Variants in PARVB observed in about 807,000 individuals in gnomAD.
PARVB encodes parvin beta, also known as beta-parvin.
PARVB carries 46 observed loss-of-function variants against 47.0 expected under a neutral mutation model. The ratio of observed to expected loss-of-function variants is 0.98; its 90% CI spans 0.77 to 1.25. PARVB has a LOEUF of 1.25. Ranked by LOEUF, PARVB falls within the 50% of genes most tolerant of loss-of-function variation. PARVB has a pLI of 0.00. For synonymous variants in PARVB, 196 were observed against 196.3 expected, an observed-to-expected ratio of 1.00 and a Z score of 0.01; for missense variants, 473 against 471.6, an observed-to-expected ratio of 1.00 and a Z score of -0.03.
At position 44,058,846 on chromosome 22, in the gene PARVB, C is replaced by T. The variant is rs151089583; in HGVS notation, c.112+34395C>T. The stretch of plus-strand genomic sequence containing the variant: ...CTGGGATTACAGGCATGAGCCTCTG[C>T]GCCCATCGGACGTGGATTTTGGATG... On this transcript the variant is annotated intron_variant, in intron 1 of 12. Transcript: ENST00000338758. 3.8e-3 allele frequency among the ~76,000 whole-genome samples: 571 copies of T among 151,432 alleles called. 2 individuals are homozygous for T. The highest frequency in any genetic ancestry group is 0.014 in the Middle Eastern group (4 of 288).
At chr22:44,032,994 TA>T (rs923418880) in intron 1 of PARVB, among the ~76,000 whole-genome samples, 2 of 152,226 alleles carry the variant, frequency 1.3e-5, no homozygotes, top group African/African-American at 4.8e-5. Context: ...TGGCTGTTGG[TA>T]ACAAAAGTTG....
intron 1 of PARVB, among the ~76,000 whole-genome samples, chr22:44,067,537 C>T (rs2051562605): frequency 6.6e-6 from 1 of 152,210 alleles, no homozygotes; most frequent in African/African-American, 2.4e-5. Flanking sequence ...TGGCACTGGA[C>T]ACTGGGCAGA....
In PARVB at chr22:44,147,743, A is replaced by G. The variant is rs370622686; in HGVS notation, c.713-118A>G. 89 of 815,088 alleles carry G rather than the reference A, an allele frequency of 1.1e-4. 1 individual carries two copies. The African/African-American group carries it at 1.4e-3, about 13-fold the overall frequency. The allele number at this position is 815,088 out of a possible 1,614,324, so 50.5% of individuals were successfully genotyped here. A position where few individuals can be genotyped will look rare whatever the true frequency, so the allele number is the denominator to read the frequency against. On this transcript the variant is annotated intron_variant, in intron 8 of 12. Transcript: ENST00000338758. Reference sequence around the variant, plus strand: ...GGTAGGAATTGGAAGGATTCTAGGCAGGTGTGGGAGTTGAGGCTGAACCTC... The same window carrying G: ...GGTAGGAATTGGAAGGATTCTAGGCGGGTGTGGGAGTTGAGGCTGAACCTC...
chr22:44,147,306 T>G (rs1601681257), intron 8 of PARVB: 3 of 221,910 alleles, frequency 1.4e-5, no homozygotes, highest in Non-Finnish European at 2.8e-5. Context: ...GTGGTGGGAG[T>G]GGAGGGGGGA....
chr22:44,077,797 T>C (rs886340985), intron 1 of PARVB, among the ~76,000 whole-genome samples: 1 of 152,090 alleles, frequency 6.6e-6, no homozygotes, highest in South Asian at 2.1e-4. Flanking sequence ...GCAATGGTTC[T>C]AGCGATTCTC....
intron 1 of PARVB, among the ~76,000 whole-genome samples, chr22:44,064,001 C>T (rs1333093847): frequency 6.6e-6 from 1 of 152,226 alleles, no homozygotes; most frequent in Non-Finnish European, 1.5e-5. Flanking sequence ...GGATCGCTTT[C>T]CTCCTCGGTT....
intron 2 of PARVB, among the ~76,000 whole-genome samples, chr22:44,097,130 C>T (rs757029322): frequency 2.6e-5 from 4 of 151,996 alleles, no homozygotes; most frequent in Non-Finnish European, 5.9e-5. Flanking sequence ...GATGGCATGG[C>T]GGCTGGTGTC....
intron 1 of PARVB, among the ~76,000 whole-genome samples, chr22:44,075,817 G>A (rs930733819): frequency 6.6e-6 from 1 of 152,202 alleles, no homozygotes; most frequent in Non-Finnish European, 1.5e-5. Context: ...TTGTCTGGAC[G>A]GATCCATTTG....
chr22:44,145,756 G>A (rs2053650400), intron 8 of PARVB: 1 of 152,212 alleles, frequency 6.6e-6, no homozygotes, highest in Admixed American at 6.5e-5. Context: ...CGGCCCCGAT[G>A]TCTCCTTGAG....
At chr22:44,151,918 C>A (rs1014706706) in intron 10 of PARVB, 3 of 251,724 alleles carry the variant, frequency 1.2e-5, no homozygotes, top group South Asian at 1.1e-4. Context: ...CTTTAGCATT[C>A]CTTGGCTTGT....
At chr22:44,158,151 A>G (rs1023151202) in intron 11 of PARVB, 68 bp downstream of exon 11, 5 of 1,061,318 alleles carry the variant, frequency 4.7e-6, no homozygotes, top group African/African-American at 3.1e-5. Flanking sequence ...AGCATAGACT[A>G]TCCCGGCAGC....
chr22:44,136,148 G>A (rs2053435657), intron 6 of PARVB, among the ~76,000 whole-genome samples: 1 of 152,174 alleles, frequency 6.6e-6, no homozygotes, highest in Non-Finnish European at 1.5e-5. Flanking sequence ...AAAGCATAGA[G>A]GATCCCTTTG....
chr22:44,008,992 A>G (rs1270365508), intron 2 of PARVB, among the ~76,000 whole-genome samples: 1 of 152,208 alleles, frequency 6.6e-6, no homozygotes, highest in Non-Finnish European at 1.5e-5. Flanking sequence ...CCATCTTAAA[A>G]ATAAATAAGT....
chr22:44,131,088 T>C (rs1386877556), intron 4 of PARVB, among the ~76,000 whole-genome samples: 1 of 129,306 alleles, frequency 7.7e-6, no homozygotes, highest in Non-Finnish European at 1.6e-5. Flanking sequence ...TTTTTTTCTT[T>C]CTTCTCTCTC....
intron 1 of PARVB, among the ~76,000 whole-genome samples, chr22:44,070,282 T>C (rs1291912614): frequency 6.6e-6 from 1 of 152,184 alleles, no homozygotes; most frequent in Non-Finnish European, 1.5e-5. Context: ...CCCTAGTCAG[T>C]GCTCTCAACC....
At chr22:43,999,371 G>A in exon 1 of PARVB, 1 of 1,610,846 alleles carries the variant, frequency 6.2e-7, no homozygotes, top group Non-Finnish European at 8.5e-7. Flanking sequence ...TCACCAAAGA[G>A]GAGAGAAAAG....
intron 12 of PARVB, 53 bp from the exon 13 acceptor site, chr22:44,168,549 C>T (rs901541495): frequency 1.8e-5 from 22 of 1,200,788 alleles, no homozygotes; most frequent in East Asian, 2.3e-5. Flanking sequence ...GAGTACCTAC[C>T]GCAATGACAG....
chr22:44,013,880 A>G (rs562332451), intron 2 of PARVB, among the ~76,000 whole-genome samples: 1 of 151,880 alleles, frequency 6.6e-6, no homozygotes, highest in Admixed American at 6.6e-5. Flanking sequence ...TGATCTGCCC[A>G]CCTCGGCCTC....
Position 44,147,864 on chromosome 22 carries a change from G to T in PARVB, c.716G>T (p.Arg239Leu). 6.2e-7 allele frequency: 1 copy of T among 1,613,996 alleles called. No homozygotes were observed. The highest frequency in any genetic ancestry group is 8.5e-7 in the Non-Finnish European group (1 of 1,179,900). ...TTEMMMGRFE[R>L]DAFDTLFDHA... ...GTCTCTCTTTGCATGTCCTCAGAGC[G>T]GGATGCCTTCGACACGCTGTTCGAC... The change falls in exon 9 of 13, where the codon CGG becomes CTG. Residue 239 changes from arginine to leucine, a missense_variant. Physicochemically the swap from Arg to Leu is moderately radical, Grantham distance 102 (BLOSUM62 -2). Transcript: ENST00000338758.
Sources: allele counts gnomAD v4.1 joint callset (sites outside exome capture counted in the v4.1 genomes callset), GRCh38; gene constraint gnomAD v4.1.1; transcripts MANE v1.5; gene names NCBI Gene and HGNC (gene_info 2026-07-23, HGNC 2026-07-21).